FDPS: variants seen among roughly 807,000 people sequenced by gnomAD.
The protein encoded by FDPS is farnesyl pyrophosphate synthase.
FDPS carries 29 observed loss-of-function variants against 49.5 expected under a neutral mutation model. That is an observed-to-expected ratio of 0.59 (90% confidence interval 0.44 to 0.80). The LOEUF is 0.80. FDPS is among the 30% of genes least tolerant of loss of function. FDPS has a pLI of 0.00. For synonymous variants in FDPS, 172 were observed against 206.4 expected (o/e 0.83, Z 1.43); for missense variants, 414 against 525.6 (o/e 0.79, Z 2.08).
chr1:155,318,719 G>A lies in FDPS; in HGVS notation c.739G>A (p.Gly247Ser), dbSNP rs778735854. 3.7e-6 allele frequency: 6 copies of A among 1,613,862 alleles called. No individual in the cohort carries two copies. The South Asian group carries it at 5.5e-5, about 15-fold the overall frequency. Residue 247 changes from glycine to serine, a missense_variant, in exon 7 of 11, where the codon GGC becomes AGC. By Grantham distance (56) the Gly-to-Ser change is moderately conservative (BLOSUM62 0). Coordinates refer to ENST00000368356, the MANE Select transcript of FDPS (RefSeq NM_002004.4). The surrounding 1 kb of genome is among the most constrained non-coding windows in gnomAD (Gnocchi z 4.2). The stretch of plus-strand genomic sequence containing the variant: ...CCTGGACCTCCTCACAGCCCCCCAG[G>A]GCAATGTGGATCTTGTCAGATTCAC... The part of the protein sequence containing the change: ...QTLDLLTAPQ[G>S]NVDLVRFTEK...
In FDPS at chr1:155,309,940, T is replaced by G. The variant is rs767738624; in HGVS notation, c.151T>G (p.Cys51Gly). The part of the protein sequence containing the change: ...VLAWHSARCW[C>G]QAWTEEPRAL... ...GGCCTGGCACAGTGCCCGCTGCTGGTGCCAAGCGTGGACAGAGGAACCTCG... is the reference window on the plus strand; with the variant it reads ...GGCCTGGCACAGTGCCCGCTGCTGGGGCCAAGCGTGGACAGAGGAACCTCG... Residue 51 changes from cysteine to glycine, a missense_variant, in exon 2 of 11, where the codon TGC (cysteine) becomes GGC (glycine). Physicochemically the swap from Cys to Gly is radical, Grantham distance 159. Transcript: ENST00000368356. 149 of 1,605,206 alleles carry G rather than the reference T, an allele frequency of 9.3e-5. No individual in the cohort carries two copies. The highest frequency in any genetic ancestry group is 1.2e-4 in the Non-Finnish European group (141 of 1,173,878).
At chr1:155,314,299 C>T (rs1000809053) in intron 4 of FDPS, among the ~76,000 whole-genome samples, 22 of 152,028 alleles carry the variant, frequency 1.4e-4, no homozygotes, top group African/African-American at 4.1e-4. Flanking sequence ...CACCCTTCCA[C>T]CGCCTCAGCC....
At chr1:155,310,489 T>A (rs1427926787) in intron 3 of FDPS, 2 of 363,566 alleles carry the variant, frequency 5.5e-6, no homozygotes, top group Non-Finnish European at 1.0e-5. Context: ...TTTTGTATTT[T>A]TAATAGAGAC....
At chr1:155,310,611 G>A (rs554634193) in intron 3 of FDPS, among the ~76,000 whole-genome samples, 7 of 152,046 alleles carry the variant, frequency 4.6e-5, no homozygotes, top group Non-Finnish European at 8.8e-5. Flanking sequence ...GCGCCTGGCC[G>A]AGAAAGCTTT....
intron 1 of FDPS, 98 bp from the exon 2 acceptor site, chr1:155,309,691 T>G (rs2297480): frequency 0.27 from 303,439 of 1,103,806 alleles, 46,879 homozygotes; most frequent in East Asian, 0.72. Flanking sequence ...GGGCTAAGGC[T>G]GGGGTGGGAG....
rs201828281 is a variant in FDPS at position 155,318,226 on chromosome 1, C to T, written c.619C>T (p.Arg207Cys). 1.4e-5 allele frequency: 22 copies of T among 1,613,912 alleles called. No individual in the cohort carries two copies. The highest frequency in any genetic ancestry group is 2.2e-5 in the South Asian group (2 of 91,084). ...TAACCTCCTGGAAGCATGTATCTAC[C>T]GCCTGCTGAAGCTCTATTGCCGGGA... is the stretch of plus-strand genomic sequence containing the variant. ...DANLLEACIY[R>C]LLKLYCREQP... Residue 207 changes from arginine to cysteine, a missense_variant, in exon 6 of 11, where the codon CGC (arginine) becomes TGC (cysteine). Arg to Cys is a radical substitution (Grantham distance 180, BLOSUM62 -3). Transcript: ENST00000368356. This position sits in a 1 kb window ranked among gnomAD's most constrained non-coding sequence, Gnocchi z 4.2.
chr1:155,314,838 A>G (rs1649154525), intron 4 of FDPS, among the ~76,000 whole-genome samples: 1 of 151,282 alleles, frequency 6.6e-6, no homozygotes, highest in Non-Finnish European at 1.5e-5. Context: ...GTTAAGAATC[A>G]GTGCTAGGAG....
chr1:155,313,178 G>T (rs529845351), intron 4 of FDPS, among the ~76,000 whole-genome samples: 331 of 152,256 alleles, frequency 2.2e-3, no homozygotes, highest in African/African-American at 7.2e-3. Flanking sequence ...CCATGTTCCC[G>T]CATAGCAACA....
At chr1:155,311,300 C>T (rs1327546620) in intron 3 of FDPS, among the ~76,000 whole-genome samples, 2 of 152,176 alleles carry the variant, frequency 1.3e-5, no homozygotes, top group Non-Finnish European at 2.9e-5. Context: ...GATTGTGCCA[C>T]TGCACTCCAG....
rs1649766735 is a variant in FDPS at position 155,318,505 on chromosome 1, T to C, written c.685-160T>C. On this transcript the variant is annotated intron_variant, in intron 6 of 10. Transcript: ENST00000368356. This position sits in a 1 kb window ranked among gnomAD's most constrained non-coding sequence, Gnocchi z 4.2. ...TGGAAGAAAGGGTGATAAAGGACTG[T>C]GTGTATGAATATGGGCCTTAAGTTT... 5 of 809,074 alleles carry C rather than the reference T, an allele frequency of 6.2e-6. No homozygotes were observed. Among genetic ancestry groups the C allele is most frequent in the Admixed American group, 2.4e-5 (1 of 41,334 alleles). The allele number at this position is 809,074 out of a possible 1,614,324, so 50.1% of individuals were successfully genotyped here. A position where few individuals can be genotyped will look rare whatever the true frequency, so the allele number is the denominator to read the frequency against.
chr1:155,318,027 G>C lies in FDPS; in HGVS notation c.561+6G>C. 2 of 1,614,116 alleles carry C rather than the reference G, an allele frequency of 1.2e-6. No individual in the cohort carries two copies. The highest frequency in any genetic ancestry group is 1.7e-6 in the Non-Finnish European group (2 of 1,179,974). ...AGATCTGCTGGTATCAGAAGGTAAT[G>C]TGGGCAGGAAAATAGCAGTGGGTAT... On this transcript the variant is annotated splice_donor_region_variant and intron_variant, in intron 5 of 10. Coordinates refer to ENST00000368356, the MANE Select transcript of FDPS (RefSeq NM_002004.4). This position sits in a 1 kb window ranked among gnomAD's most constrained non-coding sequence, Gnocchi z 4.2.
chr1:155,318,704 C>T lies in FDPS; in HGVS notation c.724C>T (p.Leu242Phe). 6.2e-7 allele frequency: 1 copy of T among 1,613,824 alleles called. No individual in the cohort carries two copies. Among genetic ancestry groups the T allele is most frequent in the Non-Finnish European group, 8.5e-7 (1 of 1,179,824 alleles). The change falls in exon 7 of 11, where the codon CTC becomes TTC. Residue 242 changes from leucine to phenylalanine, a missense_variant. Transcript: ENST00000368356. This position sits in a 1 kb window ranked among gnomAD's most constrained non-coding sequence, Gnocchi z 4.2. ...TGAGATTGGGCAGACCCTGGACCTC[C>T]TCACAGCCCCCCAGGGCAATGTGGA... Reference protein sequence around the residue: ...QTEIGQTLDLLTAPQGNVDLV... With the variant: ...QTEIGQTLDLFTAPQGNVDLV...
At position 155,318,236 on chromosome 1, in the gene FDPS, AGCTCTATT is replaced by A. The variant is rs1557980809; in HGVS notation, c.632_639del (p.Leu211ProfsTer21). The A allele has an allele frequency of 6.2e-7, 1 of 1,613,984 alleles. No homozygotes were observed. Among genetic ancestry groups the A allele is most frequent in the East Asian group, 2.2e-5 (1 of 44,880 alleles). ...GAAGCATGTATCTACCGCCTGCTGA[AGCTCTATT>A]GCCGGGAGCAGCCCTATTACCTGAA... is the stretch of plus-strand genomic sequence containing the variant. On this transcript the variant is annotated frameshift_variant, in exon 6 of 11. Transcript: ENST00000368356. LOFTEE classifies it high-confidence loss of function. This position sits in a 1 kb window ranked among gnomAD's most constrained non-coding sequence, Gnocchi z 4.2.
intron 3 of FDPS, among the ~76,000 whole-genome samples, chr1:155,311,636 T>A (rs1648808045): frequency 6.6e-6 from 1 of 152,166 alleles, no homozygotes; most frequent in Non-Finnish European, 1.5e-5. Context: ...AAGCCAGTCA[T>A]CCCTATAGCA....
At position 155,312,364 on chromosome 1, in the gene FDPS, G is replaced by T; in HGVS notation, c.449G>T (p.Arg150Leu). The T allele has an allele frequency of 1.2e-6, 2 of 1,614,106 alleles. No individual in the cohort carries two copies. The highest frequency in any genetic ancestry group is 1.7e-6 in the Non-Finnish European group (2 of 1,179,994). ...PRKQDADSLQ[R>L]AWTVGWCVEL... Reference sequence around the variant, plus strand: ...AAACAGGATGCTGATAGTCTCCAGCGGGCCTGGACTGTGGGCTGGTGTGTG... The same window carrying T: ...AAACAGGATGCTGATAGTCTCCAGCTGGCCTGGACTGTGGGCTGGTGTGTG... Residue 150 changes from arginine (R) to leucine (L), a missense_variant, in exon 4 of 11, where the codon CGG (arginine) becomes CTG (leucine). Transcript: ENST00000368356.
chr1:155,318,343 C>T lies in FDPS; in HGVS notation c.684+52C>T. Reference sequence around the variant, plus strand: ...CAGAGGGTGCCCATGGTAGCCTTGGCCTCTATAGGACATGCTCATCTAGCT... The same window carrying T: ...CAGAGGGTGCCCATGGTAGCCTTGGTCTCTATAGGACATGCTCATCTAGCT... On this transcript the variant is annotated intron_variant, in intron 6 of 10. Transcript: ENST00000368356. The surrounding 1 kb of genome is among the most constrained non-coding windows in gnomAD (Gnocchi z 4.2). 6.3e-7 allele frequency: 1 copy of T among 1,599,536 alleles called. No individual in the cohort carries two copies. Among genetic ancestry groups the T allele is most frequent in the Non-Finnish European group, 8.5e-7 (1 of 1,177,254 alleles).
In FDPS at chr1:155,318,049, G is replaced by T; in HGVS notation, c.561+28G>T. The T allele has an allele frequency of 6.2e-7, 1 of 1,613,020 alleles. No individual in the cohort carries two copies. The highest frequency in any genetic ancestry group is 8.5e-7 in the Non-Finnish European group (1 of 1,178,986). ...AATGTGGGCAGGAAAATAGCAGTGGGTATGGGGACAGGCCACAGGGAGGTG... is the reference window on the plus strand; with the variant it reads ...AATGTGGGCAGGAAAATAGCAGTGGTTATGGGGACAGGCCACAGGGAGGTG... On this transcript the variant is annotated intron_variant, in intron 5 of 10. Coordinates refer to ENST00000368356, the MANE Select transcript of FDPS (RefSeq NM_002004.4). The surrounding 1 kb of genome is among the most constrained non-coding windows in gnomAD (Gnocchi z 4.2).
Position 155,318,706 on chromosome 1 carries a change from C to T in FDPS, c.726C>T (p.Leu242=). 1.2e-6 allele frequency: 2 copies of T among 1,613,818 alleles called. No individual in the cohort carries two copies. Among genetic ancestry groups the T allele is most frequent in the Non-Finnish European group, 8.5e-7 (1 of 1,179,802 alleles). The part of the protein sequence containing the change: ...QTEIGQTLDL[L]TAPQGNVDLV... ...AGATTGGGCAGACCCTGGACCTCCT[C>T]ACAGCCCCCCAGGGCAATGTGGATC... The change falls in exon 7 of 11, where the codon CTC becomes CTT. Residue 242 remains leucine (L), a synonymous_variant. Transcript: ENST00000368356. This position sits in a 1 kb window ranked among gnomAD's most constrained non-coding sequence, Gnocchi z 4.2.
intron 4 of FDPS, among the ~76,000 whole-genome samples, chr1:155,313,695 G>C (rs897350855): frequency 2.6e-5 from 4 of 152,078 alleles, no homozygotes; most frequent in Non-Finnish European, 1.5e-5. Context: ...GGGGCTGAGG[G>C]GTTCAAAATA....
Sources: gnomAD v4.1 joint callset for allele counts (sites outside exome capture counted in the v4.1 genomes callset) on GRCh38, gnomAD v4.1.1 for gene constraint, Gnocchi (gnomAD v3.1) non-coding constraint, MANE v1.5 for transcripts, NCBI Gene and HGNC (gene_info 2026-07-23, HGNC 2026-07-21) for gene names.